MYH16: variants seen among roughly 807,000 people sequenced by gnomAD.
The protein encoded by MYH16 is myosin heavy chain 16.
chr7:99,307,758 CTCA>C (rs1173594855), downstream of MYH16, among the ~76,000 whole-genome samples: 1 of 152,110 alleles, frequency 6.6e-6, no homozygotes, highest in Non-Finnish European at 1.5e-5. Flanking sequence ...ATTTGAGAGT[CTCA>C]CTCTGTCACC....
At chr7:99,279,423 A>C in intron 21 of MYH16, 87 bp from the exon 4 acceptor site, 1 of 398,648 alleles carries the variant, frequency 2.5e-6, no homozygotes, top group Non-Finnish European at 5.0e-6. Flanking sequence ...CCCCCAGGAC[A>C]CATTTGTTCA....
At chr7:99,253,745 G>A (rs910490545) in exon 8 of MYH16, 10 of 178,784 alleles carry the variant, frequency 5.6e-5, no homozygotes, top group East Asian at 2.7e-4. Context: ...GAGAAATCTC[G>A]TGTCATCTCA....
intron 22 of MYH16, among the ~76,000 whole-genome samples, chr7:99,280,080 C>G (rs1288730990): frequency 1.3e-5 from 2 of 152,174 alleles, no homozygotes; most frequent in Admixed American, 1.3e-4. Context: ...GCCATGTTGG[C>G]CAGACTGGTC....
chr7:99,263,880 G>A (rs984108245), intron 14 of MYH16, among the ~76,000 whole-genome samples: 1 of 152,156 alleles, frequency 6.6e-6, no homozygotes, highest in African/African-American at 2.4e-5. Flanking sequence ...TGCCCCATAG[G>A]GTTGCCAATT....
At chr7:99,280,020 G>A (rs1792180264) in intron 22 of MYH16, among the ~76,000 whole-genome samples, 2 of 152,104 alleles carry the variant, frequency 1.3e-5, no homozygotes, top group Non-Finnish European at 2.9e-5. Context: ...TACACGTGTG[G>A]CACCACCACA....
At chr7:99,243,040 C>A (rs1230313981) in intron 1 of MYH16, among the ~76,000 whole-genome samples, 1 of 152,222 alleles carries the variant, frequency 6.6e-6, no homozygotes, top group Non-Finnish European at 1.5e-5. Context: ...ATTCTCCCAG[C>A]AACCTGCCAA....
At chr7:99,260,383 A>G (rs1791925967) in intron 12 of MYH16, 1 of 791,234 alleles carries the variant, frequency 1.3e-6, no homozygotes, top group Admixed American at 2.1e-5. Flanking sequence ...GGGCCAAGGG[A>G]TGTCACTGGC....
At chr7:99,268,131 T>G (rs1388882060) in intron 18 of MYH16, among the ~76,000 whole-genome samples, 1 of 152,182 alleles carries the variant, frequency 6.6e-6, no homozygotes, top group Non-Finnish European at 1.5e-5. Context: ...TATAATACTC[T>G]GTGTGTGTGG....
chr7:99,276,990 GC>G (rs2150818396), intron 20 of MYH16, among the ~76,000 whole-genome samples: 1 of 151,798 alleles, frequency 6.6e-6, no homozygotes, highest in East Asian at 1.9e-4. Context: ...AGAGAGCAGA[GC>G]AACAGAGACT....
chr7:99,285,064 G>GA, intron 26 of MYH16, 129 bp downstream of exon 8: 1 of 417,548 alleles, frequency 2.4e-6, no homozygotes, highest in South Asian at 1.7e-5. Context: ...CTTGGAGATG[G>GA]ACCCATGTTC....
chr7:99,242,945 G>A (rs1273078136), intron 1 of MYH16, among the ~76,000 whole-genome samples: 1 of 152,256 alleles, frequency 6.6e-6, no homozygotes, highest in African/African-American at 2.4e-5. Context: ...TGGAAGAGAA[G>A]CAGAGCCCAG....
chr7:99,260,446 A>G, intron 12 of MYH16: 3 of 525,950 alleles, frequency 5.7e-6, no homozygotes, highest in South Asian at 5.7e-5. Flanking sequence ...ACCACCAGTG[A>G]CCTTCCTTGG....
chr7:99,270,735 T>A (rs1163617409), intron 18 of MYH16, among the ~76,000 whole-genome samples: 1 of 151,792 alleles, frequency 6.6e-6, no homozygotes, highest in Non-Finnish European at 1.5e-5. Flanking sequence ...AATAATAAAT[T>A]TAGCCAGGCA....
chr7:99,249,587 T>G (rs76741006), intron 4 of MYH16, among the ~76,000 whole-genome samples: 29 of 146,492 alleles, frequency 2.0e-4, no homozygotes, highest in African/African-American at 6.8e-4. Context: ...TTTTTTTTTT[T>G]TTTTTTTTTT....
chr7:99,252,973 T>C (rs1026669653), intron 7 of MYH16: 1 of 152,250 alleles, frequency 6.6e-6, no homozygotes, highest in South Asian at 2.1e-4. Context: ...TAAAAAATAT[T>C]AAGAATTTCA....
chr7:99,289,253 C>A, intron 29 of MYH16, 34 bp from the exon 11 acceptor site: 1 of 275,528 alleles, frequency 3.6e-6, no homozygotes, highest in Non-Finnish European at 7.9e-6. Flanking sequence ...CCCCCACCCG[C>A]AACTTCCCCA....
intron 32 of MYH16, among the ~76,000 whole-genome samples, chr7:99,292,793 T>G (rs955680029): frequency 1.3e-5 from 2 of 151,852 alleles, no homozygotes; most frequent in African/African-American, 4.8e-5. Context: ...GATCCTCATC[T>G]CTACAAAAAT....
At chr7:99,244,838 C>T (rs1343868161) in intron 2 of MYH16, among the ~76,000 whole-genome samples, 1 of 152,224 alleles carries the variant, frequency 6.6e-6, no homozygotes, top group Non-Finnish European at 1.5e-5. Flanking sequence ...AGGACCAGGG[C>T]TTACCTGGGG....
At chr7:99,295,587 G>A (rs1792473006) in intron 33 of MYH16, among the ~76,000 whole-genome samples, 1 of 152,040 alleles carries the variant, frequency 6.6e-6, no homozygotes, top group Admixed American at 6.6e-5. Flanking sequence ...ATTCATGCTG[G>A]CCGTGAGGAG....
Sources: allele counts gnomAD v4.1 joint callset (sites outside exome capture counted in the v4.1 genomes callset), GRCh38; gene constraint gnomAD v4.1.1; transcripts MANE v1.5; gene names NCBI Gene and HGNC (gene_info 2026-07-23, HGNC 2026-07-21).